The following CPEB2 variants were observed in gnomAD, a reference collection of about 807,000 sequenced individuals.
The protein encoded by CPEB2 is cytoplasmic polyadenylation element binding protein 2, also known as cytoplasmic polyadenylation element-binding protein 2.
Under a neutral mutation model 93.6 loss-of-function variants are expected in CPEB2, and 56 were observed. The ratio of observed to expected loss-of-function variants is 0.60; its 90% CI spans 0.48 to 0.75. The LOEUF is 0.75. Among genes scored for constraint, CPEB2 ranks in the 30% least tolerant of loss-of-function variants. The pLI, the probability that CPEB2 is intolerant of heterozygous loss-of-function variation, is 0.00. For synonymous variants in CPEB2, 764 were observed against 586.3 expected (o/e 1.30, Z -4.38); for missense variants, 1,579 against 1,395.1 (o/e 1.13, Z -2.10).
chr4:15,046,642 A>G (rs1190313462), intron 6 of CPEB2, among the ~76,000 whole-genome samples: 1 of 152,164 alleles, frequency 6.6e-6, no homozygotes, highest in Non-Finnish European at 1.5e-5. Flanking sequence ...ATGTGCTTCT[A>G]ACCCATTCCA....
intron 6 of CPEB2, among the ~76,000 whole-genome samples, chr4:15,044,768 C>G (rs1263287931): frequency 6.6e-6 from 1 of 152,044 alleles, no homozygotes; most frequent in Admixed American, 6.6e-5. Context: ...GCATAGCGCC[C>G]AGTGTCAGAG....
At chr4:15,061,948 C>A in intron 10 of CPEB2, 131 bp from the exon 11 acceptor site, 1 of 810,434 alleles carries the variant, frequency 1.2e-6, no homozygotes, top group South Asian at 2.2e-5. Flanking sequence ...TAACAACAGC[C>A]TCTTATCTGC....
intron 6 of CPEB2, among the ~76,000 whole-genome samples, chr4:15,045,176 C>G (rs979855477): frequency 6.6e-6 from 1 of 152,090 alleles, no homozygotes; most frequent in African/African-American, 2.4e-5. Flanking sequence ...CTATAACTAT[C>G]TCATTCTTTG....
intron 6 of CPEB2, among the ~76,000 whole-genome samples, chr4:15,049,830 G>C (rs1449760195): frequency 6.6e-6 from 1 of 152,016 alleles, no homozygotes; most frequent in Non-Finnish European, 1.5e-5. Context: ...CTCTGTTGTT[G>C]TGTCTTATAA....
chr4:15,035,220 T>TA (rs398107020), intron 5 of CPEB2, among the ~76,000 whole-genome samples: 1 of 152,092 alleles, frequency 6.6e-6, no homozygotes, highest in Middle Eastern at 3.4e-3. Flanking sequence ...TCTTTTTTTT[T>TA]GTAGTGGTGT....
At chr4:15,005,091 G>C (rs1722629708) in intron 1 of CPEB2, 1 of 152,232 alleles carries the variant, frequency 6.6e-6, no homozygotes, top group Non-Finnish European at 1.5e-5. Context: ...GAGTCGGGAG[G>C]GAGCGGCCGA....
chr4:15,064,354 A>G (rs1025234491), intron 11 of CPEB2, among the ~76,000 whole-genome samples: 4 of 152,126 alleles, frequency 2.6e-5, no homozygotes, highest in African/African-American at 4.8e-5. Context: ...TTGAAATTCA[A>G]TTTTCCATCT....
At position 15,003,365 on chromosome 4, in the gene CPEB2, A is replaced by AGCC. The variant is rs1722257417; in HGVS notation, c.698_700dup (p.Pro233dup). 5 of 1,385,600 alleles carry AGCC rather than the reference A, an allele frequency of 3.6e-6. No individual in the cohort carries two copies. The Admixed American group carries it at 1.9e-4, about 53-fold the overall frequency. 85.8% of individuals were successfully genotyped at this position (1,385,600 alleles called of 1,614,324 possible). On this transcript the variant is annotated inframe_insertion, in exon 1 of 12. Coordinates refer to ENST00000538197, the MANE Select transcript of CPEB2 (RefSeq NM_001177382.2). ...CAGCTCGCTCAGCGCCAGCAGCAAC[A>AGCC]GCCGCCGCAGCAGTTCAGCCTCCTG... is the stretch of plus-strand genomic sequence containing the variant.
rs1210874897 is a variant in CPEB2 at position 15,002,678 on chromosome 4, G to A, written c.5G>A (p.Arg2Lys). 3 of 1,493,272 alleles carry A rather than the reference G, an allele frequency of 2.0e-6. No homozygotes were observed. Among genetic ancestry groups the A allele is most frequent in the South Asian group, 1.2e-5 (1 of 80,760 alleles). 92.5% of individuals were successfully genotyped at this position (1,493,272 alleles called of 1,614,324 possible). Residue 2 changes from arginine (R) to lysine (K), a missense_variant, in exon 1 of 12, where the codon AGG becomes AAG. Arg to Lys is a conservative substitution (Grantham distance 26). Coordinates refer to ENST00000538197, the MANE Select transcript of CPEB2 (RefSeq NM_001177382.2). ...CCGCTGCCGGCGGCCTGATAAATGA[G>A]GGATTTCGGGTTTGGGGTGCTGCAG... is the stretch of plus-strand genomic sequence containing the variant. M[R>K]DFGFGVLQTA...
chr4:15,023,667 T>C (rs1038220242), intron 4 of CPEB2, among the ~76,000 whole-genome samples: 2 of 151,946 alleles, frequency 1.3e-5, no homozygotes, highest in Admixed American at 6.6e-5. Flanking sequence ...ATAAGTCTTA[T>C]ATAATGAAAA....
At chr4:15,048,408 A>G (rs1361353665) in intron 6 of CPEB2, among the ~76,000 whole-genome samples, 2 of 151,886 alleles carry the variant, frequency 1.3e-5, no homozygotes, top group African/African-American at 2.4e-5. Context: ...TTTAGCAGAC[A>G]AAGAACTTTT....
At chr4:15,014,634 A>G (rs1723885301) in intron 3 of CPEB2, among the ~76,000 whole-genome samples, 1 of 152,062 alleles carries the variant, frequency 6.6e-6, no homozygotes, top group African/African-American at 2.4e-5. Context: ...ATTACTATTT[A>G]AAAAGTACAG....
At chr4:15,035,308 TTCTA>T (rs1726502037) in intron 5 of CPEB2, among the ~76,000 whole-genome samples, 9 of 152,164 alleles carry the variant, frequency 5.9e-5, no homozygotes, top group Admixed American at 5.9e-4. Context: ...GGTTGGCTTT[TTCTA>T]TCTGTGTAAC....
rs1722246865 is a variant in CPEB2, at chr4:15,003,312, G to T, written c.639G>T (p.Pro213=). Residue 213 remains proline, a synonymous_variant, in exon 1 of 12, where the codon CCG becomes CCT. Transcript: ENST00000538197. The part of the protein sequence containing the change: ...HCPGRFSPPP[P]PAGPLLQPAQ... ...CCGGTCGGTTCAGCCCGCCGCCGCC[G>T]CCAGCCGGCCCGCTCCTCCAGCCGG... 16 of 1,423,686 alleles carry T rather than the reference G, an allele frequency of 1.1e-5. No individual in the cohort carries two copies. Among genetic ancestry groups the T allele is most frequent in the Admixed American group, 3.3e-5 (1 of 30,144 alleles). The allele number at this position is 1,423,686 out of a possible 1,614,324, so 88.2% of individuals were successfully genotyped here.
chr4:15,005,809 G>A (rs1342016037), intron 1 of CPEB2, among the ~76,000 whole-genome samples: 1 of 152,120 alleles, frequency 6.6e-6, no homozygotes, highest in African/African-American at 2.4e-5. Flanking sequence ...TGAAAATAGG[G>A]ATTTTGAAAT....
At chr4:15,021,215 A>AT (rs1450083018) in intron 4 of CPEB2, among the ~76,000 whole-genome samples, 1 of 152,060 alleles carries the variant, frequency 6.6e-6, no homozygotes, top group African/African-American at 2.4e-5. Context: ...CGTCTGCTTT[A>AT]TTTATTGTGT....
chr4:15,015,047 A>G (rs1023029590), intron 3 of CPEB2, among the ~76,000 whole-genome samples: 1 of 152,102 alleles, frequency 6.6e-6, no homozygotes, highest in South Asian at 2.1e-4. Flanking sequence ...AGTTAGAACC[A>G]GAGCCTAGAG....
At position 15,003,148 on chromosome 4, in the gene CPEB2, C is replaced by T; in HGVS notation, c.475C>T (p.Arg159Cys). 1 of 1,533,610 alleles carries T rather than the reference C, an allele frequency of 6.5e-7. No homozygotes were observed. Among genetic ancestry groups the T allele is most frequent in the Non-Finnish European group, 8.7e-7 (1 of 1,145,804 alleles). ...SSSASSCCCCRTSSPQDFSKR... is the reference protein window; with the variant it reads ...SSSASSCCCCCTSSPQDFSKR... ...CTCCGCCTCCTCCTGCTGCTGCTGC[C>T]GCACCTCCTCCCCGCAGGACTTCAG... is the stretch of plus-strand genomic sequence containing the variant. Residue 159 changes from arginine to cysteine, a missense_variant, in exon 1 of 12, where the codon CGC becomes TGC. Coordinates refer to ENST00000538197, the MANE Select transcript of CPEB2 (RefSeq NM_001177382.2).
At chr4:15,023,481 C>G (rs1725024565) in intron 4 of CPEB2, among the ~76,000 whole-genome samples, 2 of 152,040 alleles carry the variant, frequency 1.3e-5, no homozygotes, top group African/African-American at 4.8e-5. Flanking sequence ...ATCTCACAAA[C>G]TAAAATAATC....
Sources: allele counts gnomAD v4.1 joint callset (sites outside exome capture counted in the v4.1 genomes callset), GRCh38; gene constraint gnomAD v4.1.1; transcripts MANE v1.5; gene names NCBI Gene and HGNC (gene_info 2026-07-23, HGNC 2026-07-21).